The following IQSEC3 variants were observed in gnomAD, a reference collection of about 807,000 sequenced individuals.
The protein encoded by IQSEC3 is IQ motif and SEC7 domain-containing protein 3.
IQSEC3 carries 50 observed loss-of-function variants against 105.4 expected under a neutral mutation model. The ratio of observed to expected loss-of-function variants is 0.47; its 90% CI spans 0.38 to 0.60. The LOEUF is 0.60. Among genes scored for constraint, IQSEC3 ranks in the 20% least tolerant of loss-of-function variants. The pLI, the probability that IQSEC3 is intolerant of heterozygous loss-of-function variation, is 0.00. For synonymous variants in IQSEC3, 708 were observed against 746.0 expected, an observed-to-expected ratio of 0.95 and a Z score of 0.83; for missense variants, 1,415 against 1,630.0, an observed-to-expected ratio of 0.87 and a Z score of 2.27.
At chr12:122,709 G>A (rs560014896) in intron 2 of IQSEC3, among the ~76,000 whole-genome samples, 26 of 152,290 alleles carry the variant, frequency 1.7e-4, no homozygotes, top group African/African-American at 5.5e-4. Flanking sequence ...CAAGGGACAG[G>A]GAAGCTGGGG....
intron 2 of IQSEC3, among the ~76,000 whole-genome samples, chr12:122,447 AG>A (rs1425591654): frequency 6.6e-6 from 1 of 152,230 alleles, no homozygotes; most frequent in African/African-American, 2.4e-5. Flanking sequence ...ATTGTGTGTG[AG>A]GGGTGGCCCA....
chr12:163,542 G>C lies in IQSEC3; in HGVS notation c.2632G>C (p.Glu878Gln), dbSNP rs782453466. 3.7e-6 allele frequency: 6 copies of C among 1,611,798 alleles called. No individual in the cohort carries two copies. The highest frequency in any genetic ancestry group is 4.2e-6 in the Non-Finnish European group (5 of 1,179,422). ...RRLVCCSRLF[E>Q]VTDVNKLQKQ... is the part of the protein sequence containing the mutation. Reference sequence around the variant, plus strand: ...CCTGGTGTGCTGCAGCCGGCTCTTCGAGGTGACGGATGTGAACAAGCTGCA... The same window carrying C: ...CCTGGTGTGCTGCAGCCGGCTCTTCCAGGTGACGGATGTGAACAAGCTGCA... Residue 878 changes from glutamate to glutamine, a missense_variant, in exon 9 of 14, where the codon GAG (glutamate) becomes CAG (glutamine). Coordinates refer to ENST00000538872, the MANE Select transcript of IQSEC3 (RefSeq NM_001170738.2).
chr12:163,724 T>C (rs939657334), intron 9 of IQSEC3, 105 bp downstream of exon 9: 33 of 764,786 alleles, frequency 4.3e-5, no homozygotes, highest in South Asian at 1.2e-4. Context: ...CGCCCAGAGC[T>C]TTCAGACAGA....
intron 3 of IQSEC3, among the ~76,000 whole-genome samples, chr12:134,375 C>G (rs1328812783): frequency 1.3e-5 from 2 of 152,234 alleles, no homozygotes; most frequent in Admixed American, 1.3e-4. Flanking sequence ...GAAGCATAGA[C>G]ATTGCCCAGT....
rs935647459 is a variant in IQSEC3 at position 168,883 on chromosome 12, C to T, written c.2972-130C>T. ...CAGTGGTGGGGCCAGACCCGAGGTCCGTGTTTCACAGCATGTACTGGGACC... is the reference window on the plus strand; with the variant it reads ...CAGTGGTGGGGCCAGACCCGAGGTCTGTGTTTCACAGCATGTACTGGGACC... On this transcript the variant is annotated intron_variant, in intron 11 of 13. Coordinates refer to ENST00000538872, the MANE Select transcript of IQSEC3 (RefSeq NM_001170738.2). The T allele has an allele frequency of 5.0e-5, 39 of 774,604 alleles. No individual in the cohort carries two copies. The Admixed American group carries it at 5.8e-4, about 12-fold the overall frequency. 48.0% of individuals were successfully genotyped at this position (774,604 alleles called of 1,614,324 possible).
chr12:99,511 T>C (rs186101487), intron 2 of IQSEC3, among the ~76,000 whole-genome samples: 1 of 152,230 alleles, frequency 6.6e-6, no homozygotes, highest in Admixed American at 6.5e-5. Context: ...GGAAAGTTGA[T>C]TTGATTGGGG....
intron 11 of IQSEC3, among the ~76,000 whole-genome samples, chr12:167,994 T>C (rs1938763257): frequency 3.3e-5 from 5 of 152,210 alleles, no homozygotes; most frequent in Middle Eastern, 3.4e-3. Context: ...CATTGATCGA[T>C]GGGATGGTGT....
intron 3 of IQSEC3, among the ~76,000 whole-genome samples, chr12:135,399 G>A (rs1555086088): frequency 2.6e-5 from 4 of 152,214 alleles, no homozygotes; most frequent in Non-Finnish European, 4.4e-5. Context: ...GCAAGTATCT[G>A]TGTCTCTTAT....
intron 5 of IQSEC3, chr12:148,785 C>T (rs1326014510): frequency 6.6e-6 from 1 of 152,116 alleles, no homozygotes; most frequent in Non-Finnish European, 1.5e-5. Context: ...CTTCCTAATC[C>T]TGAAACCTGG....
At chr12:150,278 C>G (rs1364617787) in intron 5 of IQSEC3, among the ~76,000 whole-genome samples, 2 of 152,190 alleles carry the variant, frequency 1.3e-5, no homozygotes, top group African/African-American at 4.8e-5. Context: ...ACCAAATAAA[C>G]ACGTACAGAT....
rs763779562 is a variant in IQSEC3, at chr12:138,680, C to A, written c.1317C>A (p.Ala439=). Residue 439 remains alanine, a synonymous_variant, in exon 4 of 14, where the codon GCC becomes GCA. Transcript: ENST00000538872. This position sits in a 1 kb window ranked among gnomAD's most constrained non-coding sequence, Gnocchi z 7.1. ...RESGAYQLHQ[A]LQAAAGPPGL... is the part of the protein sequence containing the mutation. ...GTGGCGCTTACCAGCTCCACCAGGC[C>A]CTGCAGGCGGCCGCGGGGCCCCCAG... 687 of 1,546,890 alleles carry A rather than the reference C, an allele frequency of 4.4e-4. No homozygotes were observed. Among genetic ancestry groups the A allele is most frequent in the Admixed American group, 6.8e-4 (36 of 52,940 alleles).
At chr12:156,008 T>C (rs1260484708) in intron 5 of IQSEC3, among the ~76,000 whole-genome samples, 1 of 152,136 alleles carries the variant, frequency 6.6e-6, no homozygotes, top group African/African-American at 2.4e-5. Context: ...TTGCTGCACA[T>C]GGCCCTGGGG....
intron 3 of IQSEC3, among the ~76,000 whole-genome samples, chr12:129,232 G>T (rs1243937472): frequency 1.3e-5 from 2 of 152,220 alleles, no homozygotes; most frequent in South Asian, 4.1e-4. Context: ...CACCTCCAGG[G>T]TGCTGCATAG....
intron 5 of IQSEC3, chr12:142,204 A>G (rs1866058767): frequency 6.6e-6 from 1 of 152,106 alleles, no homozygotes; most frequent in Non-Finnish European, 1.5e-5. Flanking sequence ...TCTCCCTTTC[A>G]TCCTCGCTCC....
At chr12:111,388 C>G (rs1011090177) in intron 2 of IQSEC3, among the ~76,000 whole-genome samples, 1 of 152,164 alleles carries the variant, frequency 6.6e-6, no homozygotes, top group Non-Finnish European at 1.5e-5. Flanking sequence ...CCCTTCAAAC[C>G]TGCAGCATTC....
intron 3 of IQSEC3, among the ~76,000 whole-genome samples, chr12:129,178 G>A (rs1443578072): frequency 1.3e-5 from 2 of 152,232 alleles, no homozygotes; most frequent in Non-Finnish European, 2.9e-5. Flanking sequence ...CATGGACCAT[G>A]TTGTTCTCAG....
At chr12:134,559 TG>T (rs1477655148) in intron 3 of IQSEC3, among the ~76,000 whole-genome samples, 1 of 152,262 alleles carries the variant, frequency 6.6e-6, no homozygotes, top group Non-Finnish European at 1.5e-5. Flanking sequence ...CTCTTGGGCC[TG>T]GGGTTTTCCT....
intron 2 of IQSEC3, among the ~76,000 whole-genome samples, chr12:116,118 C>T (rs1165358375): frequency 6.6e-6 from 1 of 152,186 alleles, no homozygotes; most frequent in African/African-American, 2.4e-5. Flanking sequence ...CTTACTAGGG[C>T]TTGCCAACCA....
At chr12:85,757 T>G (rs1162573703) in intron 1 of IQSEC3, among the ~76,000 whole-genome samples, 1 of 152,206 alleles carries the variant, frequency 6.6e-6, no homozygotes, top group Admixed American at 6.5e-5. Context: ...AGCAAATATC[T>G]TAGACTCTCT....
Sources: allele counts gnomAD v4.1 joint callset (sites outside exome capture counted in the v4.1 genomes callset), GRCh38; gene constraint gnomAD v4.1.1; non-coding constraint Gnocchi (gnomAD v3.1); transcripts MANE v1.5; gene names NCBI Gene and HGNC (gene_info 2026-07-23, HGNC 2026-07-21).